Variants in GRM8 observed in about 807,000 individuals in gnomAD.
GRM8 encodes metabotropic glutamate receptor 8.
Under a neutral mutation model 87.2 loss-of-function variants are expected in GRM8, and 47 were observed. The observed-to-expected ratio is 0.54, with a 90% CI of 0.43 to 0.69. The LOEUF (loss-of-function observed/expected upper bound fraction) is 0.69. Among genes scored for constraint, GRM8 ranks in the 30% least tolerant of loss-of-function variants. The pLI is 0.00. For synonymous variants in GRM8, 396 were observed against 404.5 expected (o/e 0.98, Z 0.25); for missense variants, 1,019 against 1,139.2 (o/e 0.89, Z 1.52).
In GRM8 at chr7:126,609,440, A is replaced by G. The variant is rs1314953547; in HGVS notation, c.1416T>C (p.Asp472=). The change falls in exon 8 of 11, where the codon GAT becomes GAC. Residue 472 remains aspartate, a synonymous_variant. Transcript: ENST00000339582. ...TGTTGGTTATTTGATACTGGAAGAT[A>G]TCATAACGTCCAGGAGCATCTCCGT... ...NENGDAPGRY[D]IFQYQITNKS... is the part of the protein sequence containing the mutation. 1.9e-6 allele frequency: 3 copies of G among 1,612,030 alleles called. No individual in the cohort carries two copies. Among genetic ancestry groups the G allele is most frequent in the Non-Finnish European group, 2.5e-6 (3 of 1,178,172 alleles).
intron 3 of GRM8, among the ~76,000 whole-genome samples, chr7:127,035,426 G>T (rs1308421346): frequency 1.3e-5 from 2 of 152,146 alleles, no homozygotes; most frequent in African/African-American, 4.8e-5. Flanking sequence ...TGGCTGGTTG[G>T]ATTGGTTGGA....
At chr7:126,913,759 T>C (rs1486805388) in intron 3 of GRM8, among the ~76,000 whole-genome samples, 2 of 152,212 alleles carry the variant, frequency 1.3e-5, no homozygotes, top group Non-Finnish European at 2.9e-5. Flanking sequence ...TGTAACAATA[T>C]TTTCGCCTCC....
At chr7:126,601,245 T>G (rs1797724956) in intron 8 of GRM8, among the ~76,000 whole-genome samples, 1 of 152,152 alleles carries the variant, frequency 6.6e-6, no homozygotes, top group Non-Finnish European at 1.5e-5. Flanking sequence ...TCCATGTCCC[T>G]ACAAACGACA....
chr7:126,702,260 A>C (rs557413823), intron 7 of GRM8, among the ~76,000 whole-genome samples: 1 of 152,344 alleles, frequency 6.6e-6, no homozygotes, highest in South Asian at 2.1e-4. Flanking sequence ...TATTATGGGA[A>C]TAAAGAGGAT....
intron 8 of GRM8, among the ~76,000 whole-genome samples, chr7:126,602,478 T>C (rs1185768677): frequency 7.4e-6 from 1 of 135,610 alleles, no homozygotes; most frequent in Non-Finnish European, 1.6e-5. Context: ...AGAAAGTCAT[T>C]GGTAGCTTGA....
rs1795925294 is a variant in GRM8 at position 126,584,629 on chromosome 7, A to T, written c.1494+24733T>A. Among the ~76,000 whole-genome samples the T allele has an allele frequency of 2.0e-5, 3 of 152,212 alleles. No homozygotes were observed. The South Asian group carries it at 6.2e-4, about 31-fold the overall frequency. ...TAGCTCATTTGTGGTCTGCTCTTCT[A>T]TAAACCATAAAAACTCCTAACTTTA... On this transcript the variant is annotated intron_variant, in intron 8 of 10. Transcript: ENST00000339582.
At chr7:127,130,244 C>A (rs1052205502) in intron 2 of GRM8, among the ~76,000 whole-genome samples, 6 of 151,904 alleles carry the variant, frequency 3.9e-5, no homozygotes, top group African/African-American at 9.7e-5. Context: ...AGCATGAGAA[C>A]AGACTAATAC....
chr7:126,548,320 A>T (rs910720506), intron 8 of GRM8, among the ~76,000 whole-genome samples: 14 of 151,424 alleles, frequency 9.2e-5, no homozygotes, highest in African/African-American at 1.2e-4. Context: ...ATAATAATAA[A>T]AAAAAAAAGG....
At chr7:127,100,183 T>C (rs544083868) in intron 3 of GRM8, among the ~76,000 whole-genome samples, 2 of 152,306 alleles carry the variant, frequency 1.3e-5, no homozygotes, top group Admixed American at 1.3e-4. Flanking sequence ...ACTAGTATAC[T>C]ATATTTTACT....
At chr7:126,794,401 TC>T in intron 6 of GRM8, among the ~76,000 whole-genome samples, 1 of 152,092 alleles carries the variant, frequency 6.6e-6, no homozygotes, top group African/African-American at 2.4e-5. Context: ...AAAAATGGGG[TC>T]CTTAAAGTTA....
intron 2 of GRM8, among the ~76,000 whole-genome samples, chr7:127,207,102 A>G (rs1266080600): frequency 6.6e-6 from 1 of 152,220 alleles, no homozygotes; most frequent in Non-Finnish European, 1.5e-5. Context: ...TTTATTAAAC[A>G]CAGGAGGAAG....
chr7:126,811,752 GT>G (rs1398545413), intron 6 of GRM8, among the ~76,000 whole-genome samples: 2 of 151,972 alleles, frequency 1.3e-5, no homozygotes, highest in Non-Finnish European at 1.5e-5. Flanking sequence ...ATCAAATCTA[GT>G]TTTTTGGTAG....
intron 9 of GRM8, chr7:126,512,705 C>A (rs1360316747): frequency 6.6e-6 from 1 of 152,240 alleles, no homozygotes; most frequent in East Asian, 1.9e-4. Flanking sequence ...AAATGTTTAT[C>A]CTGACCATCC....
intron 3 of GRM8, among the ~76,000 whole-genome samples, chr7:127,000,629 G>A (rs1172342859): frequency 2.0e-5 from 3 of 151,620 alleles, no homozygotes; most frequent in Middle Eastern, 3.2e-3. Context: ...CTTATATGGT[G>A]TATAAATACC....
At chr7:127,124,408 C>T (rs1403215719) in intron 2 of GRM8, among the ~76,000 whole-genome samples, 1 of 152,292 alleles carries the variant, frequency 6.6e-6, no homozygotes, top group East Asian at 1.9e-4. Flanking sequence ...ACAACACGCT[C>T]TCTTGGTTTT....
At chr7:126,795,115 A>T (rs1821811048) in intron 6 of GRM8, among the ~76,000 whole-genome samples, 1 of 152,198 alleles carries the variant, frequency 6.6e-6, no homozygotes, top group Non-Finnish European at 1.5e-5. Flanking sequence ...TACATTTGGC[A>T]GCCCAAGTTA....
intron 6 of GRM8, among the ~76,000 whole-genome samples, chr7:126,791,795 A>G (rs1417921788): frequency 6.6e-6 from 1 of 152,188 alleles, no homozygotes; most frequent in Non-Finnish European, 1.5e-5. Context: ...GATAAACATC[A>G]ATTTTAATCA....
intron 9 of GRM8, among the ~76,000 whole-genome samples, chr7:126,524,360 G>A (rs1386946235): frequency 5.9e-5 from 9 of 152,048 alleles, no homozygotes; most frequent in Admixed American, 2.0e-4. Flanking sequence ...TTTAAAACAC[G>A]GTTCCTTCAA....
intron 7 of GRM8, among the ~76,000 whole-genome samples, chr7:126,663,625 A>G (rs1191775781): frequency 6.6e-6 from 1 of 152,216 alleles, no homozygotes; most frequent in Non-Finnish European, 1.5e-5. Context: ...CAAACTAGGC[A>G]TCAAAAGAAC....
Sources: gnomAD v4.1 joint callset for allele counts (sites outside exome capture counted in the v4.1 genomes callset) on GRCh38, gnomAD v4.1.1 for gene constraint, MANE v1.5 for transcripts, NCBI Gene and HGNC (gene_info 2026-07-23, HGNC 2026-07-21) for gene names.